CAMK2D: variants seen among roughly 807,000 people sequenced by gnomAD.
CAMK2D encodes the protein calcium/calmodulin-dependent protein kinase type II subunit delta.
CAMK2D carries 37 observed loss-of-function variants against 84.0 expected under a neutral mutation model. The ratio of observed to expected loss-of-function variants is 0.44; its 90% CI spans 0.34 to 0.58. The LOEUF is 0.58. Among genes scored for constraint, CAMK2D ranks in the 20% least tolerant of loss-of-function variants. CAMK2D has a pLI of 0.02. For synonymous variants in CAMK2D, 202 were observed against 212.5 expected, an observed-to-expected ratio of 0.95 and a Z score of 0.43; for missense variants, 448 against 652.5, an observed-to-expected ratio of 0.69 and a Z score of 3.41.
At chr4:113,617,226 G>C (rs1054942556) in intron 3 of CAMK2D, among the ~76,000 whole-genome samples, 1 of 152,120 alleles carries the variant, frequency 6.6e-6, no homozygotes, top group Admixed American at 6.6e-5. Context: ...CCAGTATTTT[G>C]GGAGGCTGAG....
chr4:113,760,896 T>C (rs2149194483), intron 1 of CAMK2D, 108 bp downstream of exon 1: 1 of 1,414,380 alleles, frequency 7.1e-7, no homozygotes, highest in Admixed American at 1.7e-5. Flanking sequence ...CTCCTCCCAT[T>C]CCTCTCCCAA....
At chr4:113,494,849 GT>G (rs952266098) in intron 16 of CAMK2D, among the ~76,000 whole-genome samples, 5 of 152,170 alleles carry the variant, frequency 3.3e-5, no homozygotes, top group Admixed American at 3.3e-4. Context: ...CTGGTGCGCC[GT>G]TTTTTAAGCC....
chr4:113,724,650 C>T (rs1263844944), intron 2 of CAMK2D, among the ~76,000 whole-genome samples: 1 of 151,436 alleles, frequency 6.6e-6, no homozygotes, highest in Non-Finnish European at 1.5e-5. Context: ...AAATAAGCGG[C>T]TTTTGGTTCT....
At position 113,526,471 on chromosome 4, in the gene CAMK2D, GTATC is replaced by G. The variant is rs769670311; in HGVS notation, c.601+4741_601+4744del. Among the ~76,000 whole-genome samples, 12 of 149,534 alleles carry G rather than the reference GTATC, an allele frequency of 8.0e-5. No individual in the cohort carries two copies. The East Asian group carries it at 9.7e-4, about 12-fold the overall frequency. On this transcript the variant is annotated intron_variant, in intron 8 of 20. Coordinates refer to ENST00000511664, the MANE Select transcript of CAMK2D (RefSeq NM_001321571.2). ...ATGCATGTATGCACATGTGTACGTA[GTATC>G]TATCTAATATTTGCTTAACACCTAA...
At chr4:113,673,197 T>C (rs1359971405) in intron 2 of CAMK2D, among the ~76,000 whole-genome samples, 2 of 152,186 alleles carry the variant, frequency 1.3e-5, no homozygotes, top group African/African-American at 4.8e-5. Flanking sequence ...TGAGTGTCTC[T>C]GAGAGAAATA....
chr4:113,586,374 G>C (rs73841682), intron 4 of CAMK2D, among the ~76,000 whole-genome samples: 4,003 of 152,210 alleles, frequency 0.026, 193 homozygotes, highest in African/African-American at 0.089. Context: ...GGCCACCATT[G>C]AGCAACATTT....
At chr4:113,566,376 C>A (rs1169522931) in intron 4 of CAMK2D, among the ~76,000 whole-genome samples, 1 of 152,170 alleles carries the variant, frequency 6.6e-6, no homozygotes, top group African/African-American at 2.4e-5. Flanking sequence ...CACCTATGCC[C>A]AAATCATTGT....
chr4:113,753,082 A>C (rs2099620996), intron 2 of CAMK2D, among the ~76,000 whole-genome samples: 1 of 152,052 alleles, frequency 6.6e-6, no homozygotes, highest in African/African-American at 2.4e-5. Context: ...AGTCAGAGAA[A>C]ACCAGATTGA....
At chr4:113,516,337 C>G (rs1032142227) in intron 9 of CAMK2D, among the ~76,000 whole-genome samples, 9 of 152,124 alleles carry the variant, frequency 5.9e-5, no homozygotes, top group Non-Finnish European at 1.2e-4. Flanking sequence ...TAATGTTGTA[C>G]AGGTCTTCTG....
chr4:113,657,404 G>A (rs750094320), intron 3 of CAMK2D, among the ~76,000 whole-genome samples: 33 of 152,032 alleles, frequency 2.2e-4, no homozygotes, highest in Non-Finnish European at 2.6e-4. Context: ...ATATAGCCTA[G>A]AACAAAGCTT....
At chr4:113,491,995 T>C (rs1420127928) in intron 16 of CAMK2D, among the ~76,000 whole-genome samples, 2 of 152,216 alleles carry the variant, frequency 1.3e-5, no homozygotes, top group African/African-American at 4.8e-5. Context: ...ATATCCCCTT[T>C]ATCATTTTTT....
At chr4:113,502,521 C>A (rs1313293368) in intron 15 of CAMK2D, among the ~76,000 whole-genome samples, 12 of 134,198 alleles carry the variant, frequency 8.9e-5, no homozygotes, top group African/African-American at 8.2e-5. Context: ...TAACACTAAA[C>A]AAAAAAAAAA....
In CAMK2D at chr4:113,653,333, T is replaced by A. The variant is rs185815143; in HGVS notation, c.220+8380A>T. Reference sequence around the variant, plus strand: ...GAAGTAATTTGGCCTTCTCACCAAATAATCATAATAAAGAGCTGAGATTTA... The same window carrying A: ...GAAGTAATTTGGCCTTCTCACCAAAAAATCATAATAAAGAGCTGAGATTTA... On this transcript the variant is annotated intron_variant, in intron 3 of 20. Coordinates refer to ENST00000511664, the MANE Select transcript of CAMK2D (RefSeq NM_001321571.2). Among the ~76,000 whole-genome samples, 5 of 152,188 alleles carry A rather than the reference T, an allele frequency of 3.3e-5. No individual in the cohort carries two copies. The East Asian group carries it at 9.6e-4, about 29-fold the overall frequency.
At chr4:113,458,076 G>T (rs1363603682) in intron 18 of CAMK2D, among the ~76,000 whole-genome samples, 2 of 152,158 alleles carry the variant, frequency 1.3e-5, no homozygotes, top group Non-Finnish European at 2.9e-5. Flanking sequence ...TAAGGCTGGT[G>T]GTAGCCTTTG....
At chr4:113,725,187 G>C (rs2099542325) in intron 2 of CAMK2D, among the ~76,000 whole-genome samples, 1 of 151,792 alleles carries the variant, frequency 6.6e-6, no homozygotes, top group Admixed American at 6.6e-5. Flanking sequence ...TGGGAGGAAG[G>C]GTCTCAGATT....
chr4:113,689,580 C>T (rs1037771280), intron 2 of CAMK2D, among the ~76,000 whole-genome samples: 4 of 152,198 alleles, frequency 2.6e-5, no homozygotes, highest in African/African-American at 9.6e-5. Context: ...TCCTGTCCTT[C>T]TTATTCTTTC....
intron 2 of CAMK2D, among the ~76,000 whole-genome samples, chr4:113,708,726 G>T (rs985820909): frequency 1.3e-5 from 2 of 151,986 alleles, no homozygotes; most frequent in Non-Finnish European, 2.9e-5. Context: ...TGTTGTTGTT[G>T]TTCTTTTTGT....
intron 4 of CAMK2D, among the ~76,000 whole-genome samples, chr4:113,557,496 C>T (rs908544351): frequency 2.6e-4 from 40 of 152,192 alleles, no homozygotes; most frequent in African/African-American, 5.1e-4. Context: ...TTCCCAAGAA[C>T]ACTCATGGAG....
chr4:113,462,330 GTCTGTCTGTCTATCTATCTATCTA>G (rs1168171496), intron 17 of CAMK2D, among the ~76,000 whole-genome samples: 1 of 129,348 alleles, frequency 7.7e-6, no homozygotes, highest in African/African-American at 2.9e-5. Context: ...CTGTCTGTCT[GTCTGTCTGTCTATCTATCTATCTA>G]TCTATCTATC....
Sources: gnomAD v4.1 joint callset for allele counts (sites outside exome capture counted in the v4.1 genomes callset) on GRCh38, gnomAD v4.1.1 for gene constraint, MANE v1.5 for transcripts, NCBI Gene and HGNC (gene_info 2026-07-23, HGNC 2026-07-21) for gene names.